SFMBT2: variants seen among roughly 807,000 people sequenced by gnomAD.
SFMBT2 encodes the protein scm-like with four MBT domains protein 2.
In SFMBT2, 38 loss-of-function variants were observed where a neutral mutation model predicts 110.1. That is an observed-to-expected ratio of 0.35 (90% confidence interval 0.27 to 0.45). The LOEUF is 0.45. Ranked by LOEUF, SFMBT2 falls within the 20% of genes least tolerant of loss-of-function variation. SFMBT2 has a pLI of 1.00. For missense variants in SFMBT2, 1,011 were observed against 1,094.9 expected (o/e 0.92, Z 1.08); for synonymous variants, 425 against 425.4 (o/e 1.00, Z 0.01).
chr10:7,185,059 T>C (rs1287697140), intron 16 of SFMBT2, among the ~76,000 whole-genome samples: 1 of 152,166 alleles, frequency 6.6e-6, no homozygotes, highest in Admixed American at 6.5e-5. Context: ...CTTTCTTCCT[T>C]CTTGCCTTTA....
chr10:7,230,672 C>T (rs1055397183), intron 9 of SFMBT2, among the ~76,000 whole-genome samples: 15 of 152,180 alleles, frequency 9.9e-5, no homozygotes, highest in Non-Finnish European at 1.8e-4. Context: ...GTGGCTCACA[C>T]CCATAATCCC....
At chr10:7,186,648 C>T (rs886078150) in intron 16 of SFMBT2, among the ~76,000 whole-genome samples, 6 of 152,008 alleles carry the variant, frequency 3.9e-5, no homozygotes, top group Non-Finnish European at 8.8e-5. Flanking sequence ...TCCTCTTGTA[C>T]GTTAATTTAT....
chr10:7,291,152 C>T (rs1476821210), intron 4 of SFMBT2, among the ~76,000 whole-genome samples: 1 of 152,204 alleles, frequency 6.6e-6, no homozygotes, highest in Non-Finnish European at 1.5e-5. Context: ...CACAGGAGAA[C>T]AGACAGGTCT....
chr10:7,222,175 A>G (rs1381699265), intron 10 of SFMBT2, among the ~76,000 whole-genome samples: 2 of 152,188 alleles, frequency 1.3e-5, no homozygotes, highest in African/African-American at 2.4e-5. Context: ...ATTACATGAA[A>G]TGGAAGTTTG....
intron 9 of SFMBT2, among the ~76,000 whole-genome samples, chr10:7,238,672 C>G (rs748700771): frequency 5.9e-5 from 9 of 152,160 alleles, no homozygotes; most frequent in Admixed American, 1.3e-4. Flanking sequence ...AATCAAAGTG[C>G]TAACGTAAGC....
At chr10:7,189,730 G>A (rs529993528) in intron 15 of SFMBT2, among the ~76,000 whole-genome samples, 8 of 152,316 alleles carry the variant, frequency 5.3e-5, no homozygotes, top group South Asian at 2.1e-4. Flanking sequence ...CAGGCCGTCC[G>A]GGTGCGGAAG....
At chr10:7,272,555 C>G (rs1169480290) in intron 7 of SFMBT2, among the ~76,000 whole-genome samples, 2 of 152,154 alleles carry the variant, frequency 1.3e-5, no homozygotes, top group African/African-American at 4.8e-5. Context: ...CTCCCTGATC[C>G]CTGTCTCAGC....
At chr10:7,174,702 C>T (rs370385879) in intron 17 of SFMBT2, among the ~76,000 whole-genome samples, 48 of 152,334 alleles carry the variant, frequency 3.2e-4, no homozygotes, top group South Asian at 1.9e-3. Flanking sequence ...TCACCGTACA[C>T]GGCAAAGGCG....
intron 7 of SFMBT2, among the ~76,000 whole-genome samples, chr10:7,268,577 C>G (rs1045023803): frequency 1.3e-5 from 2 of 151,822 alleles, no homozygotes; most frequent in African/African-American, 2.4e-5. Flanking sequence ...GTGGCACGAT[C>G]TCGGCTCACT....
intron 1 of SFMBT2, among the ~76,000 whole-genome samples, chr10:7,406,988 G>A (rs182870510): frequency 2.6e-5 from 4 of 152,028 alleles, no homozygotes; most frequent in East Asian, 1.9e-4. Context: ...GGGTTGGCGG[G>A]GGGGGAGGGA....
rs1352403537 is a variant in SFMBT2 at position 7,370,800 on chromosome 10, A to G, written c.101-425T>C. The G allele has an allele frequency of 1.1e-5, 11 of 978,934 alleles. No homozygotes were observed. In the East Asian group the frequency reaches 3.4e-4, roughly 30 times the overall value. 60.6% of individuals were successfully genotyped at this position (978,934 alleles called of 1,614,324 possible). A position where few individuals can be genotyped will look rare whatever the true frequency, so the allele number is the denominator to read the frequency against. ...TGTGATGTATACAGAGAACAGCACTAATTGTTATAAAGATAAAGCACTGAC... is the reference window on the plus strand; with the variant it reads ...TGTGATGTATACAGAGAACAGCACTGATTGTTATAAAGATAAAGCACTGAC... On this transcript the variant is annotated intron_variant, in intron 2 of 20. Transcript: ENST00000397167.
At chr10:7,378,189 TGTGTGTGG>T (rs1845308972) in intron 2 of SFMBT2, among the ~76,000 whole-genome samples, 1 of 53,406 alleles carries the variant, frequency 1.9e-5, no homozygotes, top group Non-Finnish European at 3.5e-5. Context: ...TGAGTGTGGG[TGTGTGTGG>T]GTGTATGTGT....
intron 12 of SFMBT2, chr10:7,204,538 T>C: frequency 1.1e-6 from 1 of 940,940 alleles, no homozygotes; most frequent in Non-Finnish European, 1.3e-6. Context: ...GGTTAGAAGA[T>C]TTTTAAATGG....
chr10:7,254,348 G>C (rs1203701298), intron 7 of SFMBT2, among the ~76,000 whole-genome samples: 2 of 152,260 alleles, frequency 1.3e-5, no homozygotes, highest in East Asian at 3.9e-4. Context: ...ATTTGTCAAA[G>C]GGAGAAGGAA....
chr10:7,195,081 C>T (rs1804733565), intron 15 of SFMBT2, among the ~76,000 whole-genome samples: 1 of 152,236 alleles, frequency 6.6e-6, no homozygotes, highest in South Asian at 2.1e-4. Context: ...CATCCTATCA[C>T]TCACAACAAA....
Position 7,348,504 on chromosome 10 carries a change from G to A in SFMBT2, c.436+19145C>T, listed in dbSNP as rs1165054322. On this transcript the variant is annotated intron_variant, in intron 4 of 20. Transcript: ENST00000397167. ...TTAACAGCTCTGTTAGTTGAGAAGA[G>A]ATCATCAGAAAAATAATTAGGAAAA... 2.6e-5 allele frequency among the ~76,000 whole-genome samples: 4 copies of A among 152,160 alleles called. No homozygotes were observed. The East Asian group carries it at 7.7e-4, about 29-fold the overall frequency.
intron 5 of SFMBT2, 69 bp from the exon 6 acceptor site, chr10:7,284,219 G>A (rs1842024682): frequency 6.4e-7 from 1 of 1,561,392 alleles, no homozygotes; most frequent in Non-Finnish European, 8.6e-7. Context: ...ACAGATGACA[G>A]CAGAAGATAA....
chr10:7,410,022 T>G (rs1036098729), intron 1 of SFMBT2, among the ~76,000 whole-genome samples: 7 of 151,916 alleles, frequency 4.6e-5, no homozygotes, highest in African/African-American at 1.7e-4. Context: ...ACAGTTGCAT[T>G]TTGGCGGATT....
intron 1 of SFMBT2, among the ~76,000 whole-genome samples, chr10:7,383,554 T>C (rs778122120): frequency 6.6e-6 from 1 of 152,160 alleles, no homozygotes; most frequent in Non-Finnish European, 1.5e-5. Context: ...GGAAGCTACT[T>C]CTCAACCACA....
Sources: gnomAD v4.1 joint callset for allele counts (sites outside exome capture counted in the v4.1 genomes callset) on GRCh38, gnomAD v4.1.1 for gene constraint, MANE v1.5 for transcripts, NCBI Gene and HGNC (gene_info 2026-07-23, HGNC 2026-07-21) for gene names.